EFNB2: variants seen among roughly 807,000 people sequenced by gnomAD.
EFNB2 encodes the protein ephrin-B2.
EFNB2 carries 5 observed loss-of-function variants against 32.1 expected under a neutral mutation model. The ratio of observed to expected loss-of-function variants is 0.16; its 90% CI spans 0.08 to 0.33. EFNB2 has a LOEUF of 0.33. EFNB2 is among the 10% of genes least tolerant of loss of function. The pLI is 1.00. For synonymous variants in EFNB2, 168 were observed against 166.5 expected (o/e 1.01, Z -0.07); for missense variants, 263 against 422.6 (o/e 0.62, Z 3.31).
At chr13:106,531,945 A>T (rs2391341) in intron 1 of EFNB2, among the ~76,000 whole-genome samples, 34,629 of 151,770 alleles carry the variant, frequency 0.23, 4,562 homozygotes, top group East Asian at 0.66. Context: ...ATTTTTTTTT[A>T]AAAAAGAGCC....
chr13:106,498,479 G>A (rs1183339431), intron 2 of EFNB2, among the ~76,000 whole-genome samples: 10 of 152,072 alleles, frequency 6.6e-5, no homozygotes, highest in African/African-American at 2.4e-4. Context: ...TTTGTGCGGA[G>A]CTCCCTAGGT....
At position 106,504,841 on chromosome 13, in the gene EFNB2, T is replaced by G. The variant is rs1442861347; in HGVS notation, c.406+7688A>C. On this transcript the variant is annotated intron_variant, in intron 2 of 4. Coordinates refer to ENST00000646441, the MANE Select transcript of EFNB2 (RefSeq NM_004093.4). Reference sequence around the variant, plus strand: ...GTCTCATACCACCTCTACTTGTATGTTTGAGAGATTTTTATTTTTAATCAC... The same window carrying G: ...GTCTCATACCACCTCTACTTGTATGGTTGAGAGATTTTTATTTTTAATCAC... Among the ~76,000 whole-genome samples, 4 of 152,276 alleles carry G rather than the reference T, an allele frequency of 2.6e-5. No homozygotes were observed. In the East Asian group the frequency reaches 7.7e-4, roughly 29 times the overall value.
intron 1 of EFNB2, among the ~76,000 whole-genome samples, chr13:106,529,571 G>C (rs958544250): frequency 2.7e-4 from 41 of 152,194 alleles, no homozygotes; most frequent in Admixed American, 8.5e-4. Context: ...TTCCAAGTCT[G>C]TGTGGTTCTC....
At position 106,490,502 on chromosome 13, in the gene EFNB2, TCA is replaced by T. The variant is rs1163140888; in HGVS notation, c.*2536_*2537del. On this transcript the variant is annotated 3_prime_UTR_variant, in exon 5 of 5. Transcript: ENST00000646441. ...CTCTTTTATCAATTCATCTGATTTT[TCA>T]CAGTTTAGCATAGAACCAAAACGTA... 7.2e-5 allele frequency: 11 copies of T among 152,326 alleles called. No individual in the cohort carries two copies. In the South Asian group the frequency reaches 2.1e-3, roughly 29 times the overall value. The allele number at this position is 152,326 out of a possible 1,614,324, so 9.4% of individuals were successfully genotyped here.
intron 1 of EFNB2, among the ~76,000 whole-genome samples, chr13:106,526,874 AC>A (rs1278619427): frequency 6.6e-6 from 1 of 152,184 alleles, no homozygotes; most frequent in Non-Finnish European, 1.5e-5. Context: ...ATTGAGAAAC[AC>A]TTCTGGCTCT....
At chr13:106,515,017 C>A (rs1224380491) in intron 1 of EFNB2, among the ~76,000 whole-genome samples, 1 of 152,162 alleles carries the variant, frequency 6.6e-6, no homozygotes, top group African/African-American at 2.4e-5. Context: ...CAAAATGCTC[C>A]CAAGATCCTG....
At chr13:106,506,419 C>T (rs1295361667) in intron 2 of EFNB2, 1 of 152,176 alleles carries the variant, frequency 6.6e-6, no homozygotes, top group African/African-American at 2.4e-5. Context: ...CTGTCTGTCT[C>T]TTTTGGGTCT....
At chr13:106,508,093 C>T (rs1879018727) in intron 2 of EFNB2, among the ~76,000 whole-genome samples, 1 of 152,064 alleles carries the variant, frequency 6.6e-6, no homozygotes, top group Admixed American at 6.5e-5. Flanking sequence ...GTAGAATAAC[C>T]AGCCCACAGA....
At chr13:106,530,983 T>A (rs1321572189) in intron 1 of EFNB2, among the ~76,000 whole-genome samples, 1 of 152,202 alleles carries the variant, frequency 6.6e-6, no homozygotes, top group East Asian at 1.9e-4. Flanking sequence ...AAACACATAG[T>A]TTTTAGCAAG....
At chr13:106,507,294 A>G (rs549161393) in intron 2 of EFNB2, among the ~76,000 whole-genome samples, 2 of 152,302 alleles carry the variant, frequency 1.3e-5, no homozygotes, top group South Asian at 2.1e-4. Context: ...ACATTATTCT[A>G]TATTCTAAAA....
chr13:106,513,129 C>T (rs1879197462), intron 1 of EFNB2, among the ~76,000 whole-genome samples: 1 of 152,186 alleles, frequency 6.6e-6, no homozygotes, highest in Admixed American at 6.5e-5. Context: ...TACCATAACT[C>T]TTCCTCCGTG....
At position 106,510,497 on chromosome 13, in the gene EFNB2, C is replaced by T. The variant is rs1311466724; in HGVS notation, c.406+2032G>A. Among the ~76,000 whole-genome samples the T allele has an allele frequency of 2.6e-5, 4 of 152,192 alleles. 1 individual carries two copies. Among genetic ancestry groups the T allele is most frequent in the South Asian group, 4.1e-4 (2 of 4,834 alleles). On this transcript the variant is annotated intron_variant, in intron 2 of 4. Transcript: ENST00000646441. ...GTAAGAAGAGAGACTCTGGGTGTGTCGGCATTATCGGTGGACGTGGGCTGC... is the reference window on the plus strand; with the variant it reads ...GTAAGAAGAGAGACTCTGGGTGTGTTGGCATTATCGGTGGACGTGGGCTGC...
intron 2 of EFNB2, among the ~76,000 whole-genome samples, chr13:106,498,529 T>G (rs1407900905): frequency 6.6e-6 from 1 of 152,188 alleles, no homozygotes; most frequent in Non-Finnish European, 1.5e-5. Context: ...ATGTAAAATC[T>G]CTAGAGTATT....
chr13:106,525,760 C>T (rs1879677831), intron 1 of EFNB2, among the ~76,000 whole-genome samples: 1 of 152,166 alleles, frequency 6.6e-6, no homozygotes, highest in Non-Finnish European at 1.5e-5. Context: ...CTGGGCTTCT[C>T]TCTACAGGAC....
chr13:106,499,903 T>C (rs938856500), intron 2 of EFNB2, among the ~76,000 whole-genome samples: 1 of 152,160 alleles, frequency 6.6e-6, no homozygotes, highest in Non-Finnish European at 1.5e-5. Flanking sequence ...TAATTTCCAG[T>C]GGGTAGAGAT....
chr13:106,524,402 T>C (rs1234370739), intron 1 of EFNB2, among the ~76,000 whole-genome samples: 1 of 152,214 alleles, frequency 6.6e-6, no homozygotes, highest in East Asian at 1.9e-4. Flanking sequence ...AATCCACTTA[T>C]TAGTTCAATA....
At chr13:106,532,223 C>G (rs1406828850) in intron 1 of EFNB2, among the ~76,000 whole-genome samples, 1 of 152,110 alleles carries the variant, frequency 6.6e-6, no homozygotes, top group Admixed American at 6.5e-5. Flanking sequence ...GACGGGAGAG[C>G]CGACAATGTG....
rs763140659 is a variant in EFNB2 at position 106,493,321 on chromosome 13, T to C, written c.721A>G (p.Ile241Val). The change falls in exon 5 of 5, where the codon ATC becomes GTC. Residue 241 changes from isoleucine (I) to valine (V), a missense_variant. By Grantham distance (29) the Ile-to-Val change is conservative. Coordinates refer to ENST00000646441, the MANE Select transcript of EFNB2 (RefSeq NM_004093.4). This position sits in a 1 kb window ranked among gnomAD's most constrained non-coding sequence, Gnocchi z 6.1. ...AAGAGGACCACCAGCGTGATGATGA[T>C]GACGATGAAGATGATGCATCCTGAA... ...IASGCIIFIV[I>V]IITLVVLLLK... 2.5e-6 allele frequency: 4 copies of C among 1,614,126 alleles called. No homozygotes were observed. Among genetic ancestry groups the C allele is most frequent in the East Asian group, 4.5e-5 (2 of 44,874 alleles).
intron 1 of EFNB2, chr13:106,517,943 T>C (rs542092172): frequency 6.6e-6 from 1 of 152,364 alleles, no homozygotes; most frequent in East Asian, 1.9e-4. Context: ...TTTGGCTAAG[T>C]CTAATCATCT....
Sources: gnomAD v4.1 joint callset for allele counts (sites outside exome capture counted in the v4.1 genomes callset) on GRCh38, gnomAD v4.1.1 for gene constraint, Gnocchi (gnomAD v3.1) non-coding constraint, MANE v1.5 for transcripts, NCBI Gene and HGNC (gene_info 2026-07-23, HGNC 2026-07-21) for gene names.